Variants in CPS1 observed in about 807,000 individuals in gnomAD.
CPS1 encodes the protein carbamoyl-phosphate synthase 1.
In CPS1, 109 loss-of-function variants were observed where a neutral mutation model predicts 174.6. That is an observed-to-expected ratio of 0.62 (90% CI 0.53 to 0.73). The LOEUF (loss-of-function observed/expected upper bound fraction) is 0.73, where lower values mean the gene tolerates loss of function less well. Among genes scored for constraint, CPS1 ranks in the 30% least tolerant of loss-of-function variants. The pLI, the probability that CPS1 is intolerant of heterozygous loss-of-function variation, is 0.00. For missense variants in CPS1, 1,689 were observed against 1,821.9 expected, an observed-to-expected ratio of 0.93 and a Z score of 1.33; for synonymous variants, 637 against 632.0, an observed-to-expected ratio of 1.01 and a Z score of -0.12.
In CPS1 at chr2:210,576,476, T is replaced by G; in HGVS notation, c.367T>G (p.Ser123Ala). ...ACTGGGACTTAGCAAATATTTGGAG[T>G]CTAATGGAATCAAGGTAGTACCAGT... ...DELGLSKYLE[S>A]NGIKVSGLLV... is the part of the protein sequence containing the mutation. The change falls in exon 3 of 38, where the codon TCT becomes GCT. Residue 123 changes from serine (S) to alanine (A), a missense_variant. By Grantham distance (99) the Ser-to-Ala change is moderately conservative (BLOSUM62 1). Coordinates refer to ENST00000233072, the MANE Select transcript of CPS1 (RefSeq NM_001875.5). 6.2e-7 allele frequency: 1 copy of G among 1,613,518 alleles called. No homozygotes were observed. The highest frequency in any genetic ancestry group is 8.5e-7 in the Non-Finnish European group (1 of 1,179,606).
rs121912593 is a variant in CPS1, at chr2:210,573,301, C to T, written c.130C>T (p.Gln44Ter). The T allele has an allele frequency of 6.2e-7, 1 of 1,612,464 alleles. No homozygotes were observed. Among genetic ancestry groups the T allele is most frequent in the East Asian group, 2.2e-5 (1 of 44,874 alleles). Residue 44 changes from glutamine (Q) to a stop codon, truncating the protein, a stop_gained, in exon 2 of 38, where the codon CAG becomes TAG. Coordinates refer to ENST00000233072, the MANE Select transcript of CPS1 (RefSeq NM_001875.5). LOFTEE classifies it high-confidence loss of function. Reference protein sequence around the residue: ...PGIRLLSVKAQTAHIVLEDGT... With the variant: ...PGIRLLSVKA ...ATTCATGCAACTGTTTCTTCAGGCACAGACAGCACACATTGTCCTGGAAGA... is the reference window on the plus strand; with the variant it reads ...ATTCATGCAACTGTTTCTTCAGGCATAGACAGCACACATTGTCCTGGAAGA...
intron 1 of CPS1, among the ~76,000 whole-genome samples, chr2:210,489,614 A>C (rs1003435583): frequency 2.6e-5 from 4 of 152,194 alleles, no homozygotes; most frequent in Admixed American, 6.5e-5. Context: ...AATACTATTT[A>C]AGGAGCATTA....
intron 1 of CPS1, among the ~76,000 whole-genome samples, chr2:210,526,564 G>C (rs1223339622): frequency 6.6e-6 from 1 of 151,776 alleles, no homozygotes; most frequent in Non-Finnish European, 1.5e-5. Context: ...TGAATGAAAA[G>C]CACCTAGCAT....
intron 21 of CPS1, among the ~76,000 whole-genome samples, chr2:210,620,233 A>G (rs1699463556): frequency 6.6e-6 from 1 of 152,164 alleles, no homozygotes; most frequent in Non-Finnish European, 1.5e-5. Flanking sequence ...TATTTAGTAT[A>G]TATAAATATT....
At chr2:210,488,892 A>G (rs140338570) in intron 1 of CPS1, among the ~76,000 whole-genome samples, 1 of 152,170 alleles carries the variant, frequency 6.6e-6, no homozygotes, top group Admixed American at 6.5e-5. Context: ...AAAAATCCTA[A>G]GTAAGTTTAC....
At chr2:210,508,284 T>C (rs1695346392) in intron 1 of CPS1, among the ~76,000 whole-genome samples, 1 of 151,848 alleles carries the variant, frequency 6.6e-6, no homozygotes, top group Admixed American at 6.6e-5. Flanking sequence ...GACTACTGGG[T>C]ACATAATGAA....
intron 34 of CPS1, among the ~76,000 whole-genome samples, chr2:210,671,239 C>T (rs77341993): frequency 0.025 from 3,866 of 152,222 alleles, 87 homozygotes; most frequent in Admixed American, 0.045. Flanking sequence ...CTGACATCTG[C>T]GCTTCAGCAT....
chr2:210,630,131 T>C (rs1699824077), intron 21 of CPS1, among the ~76,000 whole-genome samples: 1 of 150,996 alleles, frequency 6.6e-6, no homozygotes, highest in African/African-American at 2.4e-5. Context: ...CAAAATGTGG[T>C]TTATTATGGC....
At chr2:210,627,407 G>A (rs1336244169) in intron 21 of CPS1, among the ~76,000 whole-genome samples, 1 of 152,048 alleles carries the variant, frequency 6.6e-6, no homozygotes, top group Non-Finnish European at 1.5e-5. Flanking sequence ...AGGGAGGTGT[G>A]AGTAAAACAA....
intron 1 of CPS1, among the ~76,000 whole-genome samples, chr2:210,516,659 C>G (rs1004011396): frequency 1.7e-4 from 26 of 151,908 alleles, no homozygotes; most frequent in Non-Finnish European, 2.9e-4. Context: ...GATTTGAACT[C>G]TGGTTATCTC....
chr2:210,567,594 T>C (rs1054767195), intron 1 of CPS1, among the ~76,000 whole-genome samples: 18 of 152,194 alleles, frequency 1.2e-4, no homozygotes, highest in African/African-American at 4.1e-4. Context: ...GATGGAGGAT[T>C]AGATTTCTAC....
chr2:210,620,431 T>C (rs1699471589), intron 21 of CPS1, among the ~76,000 whole-genome samples: 1 of 152,050 alleles, frequency 6.6e-6, no homozygotes, highest in Non-Finnish European at 1.5e-5. Context: ...TGCAGGGTGA[T>C]GAGACAAGAG....
At chr2:210,478,927 T>TC (rs1694485694) in intron 1 of CPS1, among the ~76,000 whole-genome samples, 3 of 10,968 alleles carry the variant, frequency 2.7e-4, no homozygotes, top group Non-Finnish European at 6.9e-4. Flanking sequence ...CCCTCCCCCC[T>TC]TCCCCCCTCC....
chr2:210,558,001 G>A (rs144873088), intron 1 of CPS1, among the ~76,000 whole-genome samples: 1 of 151,870 alleles, frequency 6.6e-6, no homozygotes, highest in African/African-American at 2.4e-5. Context: ...GACAGGGGGA[G>A]GGGAAGGGGA....
intron 1 of CPS1, among the ~76,000 whole-genome samples, chr2:210,483,990 G>A (rs1033337391): frequency 6.6e-6 from 1 of 152,196 alleles, no homozygotes; most frequent in Non-Finnish European, 1.5e-5. Context: ...TTCTAGGTTT[G>A]AGGAGTGGCT....
chr2:210,583,575 C>G (rs1698001811), intron 6 of CPS1, among the ~76,000 whole-genome samples: 3 of 152,064 alleles, frequency 2.0e-5, no homozygotes, highest in Non-Finnish European at 4.4e-5. Context: ...ACCAGGAGAA[C>G]TTTGTTTCAG....
At chr2:210,503,834 C>G (rs568151127) in intron 1 of CPS1, among the ~76,000 whole-genome samples, 1 of 151,740 alleles carries the variant, frequency 6.6e-6, no homozygotes, top group East Asian at 1.9e-4. Context: ...AGTCAAAATC[C>G]TTTCCTCTTT....
intron 34 of CPS1, chr2:210,672,368 CT>C (rs1701338696): frequency 6.6e-6 from 1 of 152,136 alleles, no homozygotes; most frequent in African/African-American, 2.4e-5. Context: ...GCTGAGCCTT[CT>C]AATGTGATTT....
chr2:210,486,887 C>T (rs1190010964), intron 1 of CPS1, among the ~76,000 whole-genome samples: 3 of 152,174 alleles, frequency 2.0e-5, no homozygotes, highest in African/African-American at 7.2e-5. Context: ...TTTCACAGCT[C>T]TTATTCCAGA....
Sources: allele counts gnomAD v4.1 joint callset (sites outside exome capture counted in the v4.1 genomes callset), GRCh38; gene constraint gnomAD v4.1.1; transcripts MANE v1.5; gene names NCBI Gene and HGNC (gene_info 2026-07-23, HGNC 2026-07-21).